The following ADAMTS18 variants were observed in gnomAD, a reference collection of about 807,000 sequenced individuals.
ADAMTS18 encodes the protein ADAM metallopeptidase with thrombospondin type 1 motif 18.
Under a neutral mutation model 165.9 loss-of-function variants are expected in ADAMTS18, and 157 were observed. The observed-to-expected ratio is 0.95, with a 90% CI of 0.83 to 1.08. The LOEUF (loss-of-function observed/expected upper bound fraction) is 1.08, where lower values mean the gene tolerates loss of function less well. Among genes scored for constraint, ADAMTS18 ranks in the 50% least tolerant of loss-of-function variants. The pLI, the probability that ADAMTS18 is intolerant of heterozygous loss-of-function variation, is 0.00. For synonymous variants in ADAMTS18, 782 were observed against 578.2 expected (o/e 1.35, Z -5.06); for missense variants, 2,040 against 1,534.0 (o/e 1.33, Z -5.51).
At position 77,367,479 on chromosome 16, in the gene ADAMTS18, C is replaced by T; in HGVS notation, c.740G>A (p.Arg247Lys). The change falls in exon 4 of 23, where the codon AGG (arginine) becomes AAG (lysine). Residue 247 changes from arginine (R) to lysine (K), a missense_variant. Physicochemically the swap from Arg to Lys is conservative, Grantham distance 26 (BLOSUM62 2). Transcript: ENST00000282849. ...TCCACAAAAATGCTGCTTTTGCAAC[C>T]TTCGATGGTGATACTCTGTCTCTCG... ...QSRETEYHHR[R>K]LQKQHFCGRR... is the part of the protein sequence containing the mutation. 1 of 1,614,222 alleles carries T rather than the reference C, an allele frequency of 6.2e-7. No individual in the cohort carries two copies. Among genetic ancestry groups the T allele is most frequent in the Non-Finnish European group, 8.5e-7 (1 of 1,180,042 alleles).
chr16:77,384,829 T>C (rs1284842527), intron 3 of ADAMTS18, among the ~76,000 whole-genome samples: 1 of 105,130 alleles, frequency 9.5e-6, no homozygotes, highest in Non-Finnish European at 1.9e-5. Context: ...CTTCAGATTT[T>C]TTTAAAAAAT....
intron 6 of ADAMTS18, 55 bp from the exon 7 acceptor site, chr16:77,362,319 T>A: frequency 6.3e-7 from 1 of 1,587,638 alleles, no homozygotes; most frequent in Non-Finnish European, 8.6e-7. Context: ...ATGAGAATGC[T>A]GAATCATTCC....
At chr16:77,390,075 T>C (rs1176518077) in intron 3 of ADAMTS18, among the ~76,000 whole-genome samples, 1 of 152,114 alleles carries the variant, frequency 6.6e-6, no homozygotes, top group Non-Finnish European at 1.5e-5. Context: ...AAATGCAGAC[T>C]CCTCAGGGAT....
intron 3 of ADAMTS18, among the ~76,000 whole-genome samples, chr16:77,378,484 G>A (rs1186216253): frequency 6.6e-6 from 1 of 152,168 alleles, no homozygotes; most frequent in African/African-American, 2.4e-5. Flanking sequence ...GGAGGCTGAG[G>A]CAGGTGGATC....
rs1375672395 is a variant in ADAMTS18, at chr16:77,368,139, G to A, written c.496-416C>T. On this transcript the variant is annotated intron_variant, in intron 3 of 22. Coordinates refer to ENST00000282849, the MANE Select transcript of ADAMTS18 (RefSeq NM_199355.4). ...GCTGGGACTACAGGTATGAGTCACC[G>A]TACCTGGCTGGACAAGTTGCTATTA... 2.0e-5 allele frequency among the ~76,000 whole-genome samples: 3 copies of A among 152,092 alleles called. No individual in the cohort carries two copies. In the South Asian group the frequency reaches 6.2e-4, roughly 31 times the overall value.
rs2055168308 is a variant in ADAMTS18 at position 77,282,666 on chromosome 16, CT to C, written c.*1289del. 1 of 152,498 alleles carries C rather than the reference CT, an allele frequency of 6.6e-6. No individual in the cohort carries two copies. Among genetic ancestry groups the C allele is most frequent in the Admixed American group, 6.6e-5 (1 of 15,266 alleles). The allele number at this position is 152,498 out of a possible 1,614,324, so 9.4% of individuals were successfully genotyped here. A position where few individuals can be genotyped will look rare whatever the true frequency, so the allele number is the denominator to read the frequency against. On this transcript the variant is annotated 3_prime_UTR_variant, in exon 23 of 23. Coordinates refer to ENST00000282849, the MANE Select transcript of ADAMTS18 (RefSeq NM_199355.4). ...TATGTAAATATGCCCTTTATAACCACTTCTCAAAAAATTACAGGAGGACACA... is the reference window on the plus strand; with the variant it reads ...TATGTAAATATGCCCTTTATAACCACTCTCAAAAAATTACAGGAGGACACA...
intron 16 of ADAMTS18, among the ~76,000 whole-genome samples, chr16:77,309,192 G>A (rs982057971): frequency 6.6e-6 from 1 of 150,708 alleles, no homozygotes; most frequent in Non-Finnish European, 1.5e-5. Context: ...TTATTTTTAT[G>A]CTAACGTGCG....
chr16:77,409,850 G>A (rs941521845), intron 3 of ADAMTS18, among the ~76,000 whole-genome samples: 4 of 152,048 alleles, frequency 2.6e-5, no homozygotes, highest in African/African-American at 7.2e-5. Context: ...GTATAGAGAC[G>A]TTTATAATCT....
At chr16:77,298,772 A>G (rs1251831546) in intron 17 of ADAMTS18, among the ~76,000 whole-genome samples, 2 of 152,228 alleles carry the variant, frequency 1.3e-5, no homozygotes, top group African/African-American at 4.8e-5. Context: ...AGCCTGGGTG[A>G]CAGAGTGAGA....
Position 77,313,295 on chromosome 16 carries a change from C to T in ADAMTS18, c.2532+6554G>A, listed in dbSNP as rs920567445. On this transcript the variant is annotated intron_variant, in intron 16 of 22. Coordinates refer to ENST00000282849, the MANE Select transcript of ADAMTS18 (RefSeq NM_199355.4). ...AAGAACACACACCGGGGCCTGTCGTCGGGTGGGGGCAGGGGGGAAGGATAG... is the reference window on the plus strand; with the variant it reads ...AAGAACACACACCGGGGCCTGTCGTTGGGTGGGGGCAGGGGGGAAGGATAG... Among the ~76,000 whole-genome samples, 6 of 150,712 alleles carry T rather than the reference C, an allele frequency of 4.0e-5. No homozygotes were observed. The South Asian group carries it at 1.1e-3, about 27-fold the overall frequency.
intron 3 of ADAMTS18, among the ~76,000 whole-genome samples, chr16:77,378,185 G>C (rs1409042185): frequency 1.3e-5 from 2 of 151,962 alleles, no homozygotes; most frequent in Non-Finnish European, 2.9e-5. Flanking sequence ...AGCCAGGTGT[G>C]TGTGGTGGCA....
At chr16:77,406,559 A>T (rs2057395697) in intron 3 of ADAMTS18, among the ~76,000 whole-genome samples, 1 of 152,090 alleles carries the variant, frequency 6.6e-6, no homozygotes, top group African/African-American at 2.4e-5. Flanking sequence ...TATTCATAGG[A>T]AACATGATTG....
rs1300000834 is a variant in ADAMTS18, at chr16:77,355,960, C to T, written c.1440G>A (p.Gln480=). The change falls in exon 9 of 23, where the codon CAG becomes CAA. Residue 480 remains glutamine, a synonymous_variant. Transcript: ENST00000282849. ...CATACCTGAGGAATTTCTTGAGATA[C>T]TGGCGGCTGCAGGAAGACCATGAAA... ...GVFSWSSCSR[Q]YLKKFLSTPQ... The T allele has an allele frequency of 6.2e-7, 1 of 1,613,954 alleles. No individual in the cohort carries two copies. The highest frequency in any genetic ancestry group is 8.5e-7 in the Non-Finnish European group (1 of 1,179,954).
intron 20 of ADAMTS18, 90 bp from the exon 21 acceptor site, chr16:77,291,568 A>T: frequency 7.8e-7 from 1 of 1,287,568 alleles, no homozygotes; most frequent in Non-Finnish European, 1.1e-6. Context: ...TGCACCATCC[A>T]CATGAAATAG....
chr16:77,305,998 A>G (rs953158326), intron 16 of ADAMTS18, among the ~76,000 whole-genome samples: 1 of 152,206 alleles, frequency 6.6e-6, no homozygotes, highest in African/African-American at 2.4e-5. Context: ...CTCAGGGTAC[A>G]GGAGCACCGC....
intron 19 of ADAMTS18, among the ~76,000 whole-genome samples, chr16:77,293,517 A>G (rs997105107): frequency 9.2e-5 from 14 of 151,820 alleles, no homozygotes; most frequent in African/African-American, 3.4e-4. Flanking sequence ...ACCATGTACT[A>G]TTTAGATTTA....
At chr16:77,351,497 T>C (rs917941738) in intron 10 of ADAMTS18, among the ~76,000 whole-genome samples, 4 of 152,310 alleles carry the variant, frequency 2.6e-5, no homozygotes, top group Non-Finnish European at 5.9e-5. Flanking sequence ...TCTGAAGGAA[T>C]GATAGTAATT....
chr16:77,303,386 T>A (rs2055622050), intron 16 of ADAMTS18, among the ~76,000 whole-genome samples: 1 of 152,236 alleles, frequency 6.6e-6, no homozygotes, highest in African/African-American at 2.4e-5. Context: ...TATATCAATG[T>A]CTAACTTTTT....
intron 3 of ADAMTS18, among the ~76,000 whole-genome samples, chr16:77,379,469 TGCTG>T (rs1315085789): frequency 6.6e-6 from 1 of 152,136 alleles, no homozygotes; most frequent in African/African-American, 2.4e-5. Context: ...TCACCTTATA[TGCTG>T]GCTATCTGTT....
Sources: allele counts gnomAD v4.1 joint callset (sites outside exome capture counted in the v4.1 genomes callset), GRCh38; gene constraint gnomAD v4.1.1; transcripts MANE v1.5; gene names NCBI Gene and HGNC (gene_info 2026-07-23, HGNC 2026-07-21).